JAKMIP2: variants seen among roughly 807,000 people sequenced by gnomAD.
The protein encoded by JAKMIP2 is janus kinase and microtubule-interacting protein 2.
A neutral mutation model predicts 115.0 loss-of-function variants in JAKMIP2; 25 were observed. That is an observed-to-expected ratio of 0.22 (90% CI 0.16 to 0.30). The LOEUF is 0.30. Ranked by LOEUF, JAKMIP2 falls within the 10% of genes least tolerant of loss-of-function variation. JAKMIP2 has a pLI of 1.00. For missense variants in JAKMIP2, 642 were observed against 957.6 expected (o/e 0.67, Z 4.35); for synonymous variants, 334 against 343.6 (o/e 0.97, Z 0.31).
At chr5:147,708,511 C>T (rs1240314732) in intron 1 of JAKMIP2, among the ~76,000 whole-genome samples, 1 of 152,182 alleles carries the variant, frequency 6.6e-6, no homozygotes, top group African/African-American at 2.4e-5. Flanking sequence ...ATTACCAACA[C>T]TTACATGTTA....
At chr5:147,771,616 C>A (rs11746607) in intron 1 of JAKMIP2, among the ~76,000 whole-genome samples, 19,100 of 151,918 alleles carry the variant, frequency 0.13, 1,705 homozygotes, top group East Asian at 0.4. Flanking sequence ...TGATTCAAAG[C>A]ATTCTCATCA....
intron 1 of JAKMIP2, among the ~76,000 whole-genome samples, chr5:147,719,722 T>C (rs1007636675): frequency 6.6e-6 from 1 of 150,950 alleles, no homozygotes; most frequent in African/African-American, 2.4e-5. Flanking sequence ...TCCATCCTTT[T>C]ATTTTGAGCC....
At chr5:147,634,428 C>T (rs1426767729) in intron 12 of JAKMIP2, among the ~76,000 whole-genome samples, 2 of 152,010 alleles carry the variant, frequency 1.3e-5, no homozygotes, top group African/African-American at 4.8e-5. Flanking sequence ...TAAATGTAGT[C>T]GAGTTTTCTA....
chr5:147,627,016 C>A (rs923536186), intron 16 of JAKMIP2, among the ~76,000 whole-genome samples: 6 of 152,124 alleles, frequency 3.9e-5, no homozygotes, highest in African/African-American at 1.2e-4. Context: ...CACACCTTTG[C>A]TCCTTCAGTT....
At chr5:147,657,323 A>G (rs1401849113) in intron 3 of JAKMIP2, among the ~76,000 whole-genome samples, 3 of 152,172 alleles carry the variant, frequency 2.0e-5, no homozygotes, top group African/African-American at 7.2e-5. Context: ...AATGTTGACT[A>G]TTGGCCCCTA....
chr5:147,671,717 G>A lies in JAKMIP2; in HGVS notation c.90C>T (p.Leu30=), dbSNP rs371764748. 143 of 1,576,466 alleles carry A rather than the reference G, an allele frequency of 9.1e-5. No individual in the cohort carries two copies. Among genetic ancestry groups the A allele is most frequent in the Non-Finnish European group, 1.2e-4 (137 of 1,160,110 alleles). The part of the protein sequence containing the change: ...QAANEDLRTK[L]TDIQIELHQE... ...GATGCAGCTCTATCTGAATGTCTGT[G>A]AGCTTGGTCCTGAGGTCTTCATTGG... Residue 30 remains leucine, a synonymous_variant, in exon 2 of 22, where the codon CTC becomes CTT. Transcript: ENST00000616793.
chr5:147,586,975 A>T lies in JAKMIP2; in HGVS notation c.*4732T>A, dbSNP rs1353996033. On this transcript the variant is annotated 3_prime_UTR_variant, in exon 22 of 22. Transcript: ENST00000616793. Reference sequence around the variant, plus strand: ...AAGGATTGTGAATCTGCCCTGCCCCATTCTGAAATGGAATAATAGAATTTG... The same window carrying T: ...AAGGATTGTGAATCTGCCCTGCCCCTTTCTGAAATGGAATAATAGAATTTG... The T allele has an allele frequency of 3.3e-5, 5 of 152,130 alleles. No homozygotes were observed. 9.4% of individuals were successfully genotyped at this position (152,130 alleles called of 1,614,324 possible).
At chr5:147,734,284 G>C (rs533174607) in intron 1 of JAKMIP2, among the ~76,000 whole-genome samples, 1 of 151,864 alleles carries the variant, frequency 6.6e-6, no homozygotes, top group South Asian at 2.1e-4. Flanking sequence ...TGGAGAAATA[G>C]GATGTGGCAA....
intron 2 of JAKMIP2, among the ~76,000 whole-genome samples, chr5:147,670,719 C>T (rs1479008503): frequency 1.3e-5 from 2 of 152,136 alleles, no homozygotes; most frequent in Non-Finnish European, 2.9e-5. Flanking sequence ...ACATAATATA[C>T]TTATCTAATT....
At chr5:147,731,970 AT>A (rs2126971143) in intron 1 of JAKMIP2, among the ~76,000 whole-genome samples, 1 of 152,352 alleles carries the variant, frequency 6.6e-6, no homozygotes, top group South Asian at 2.1e-4. Context: ...ACCACTCAGC[AT>A]TTCAATTAGA....
Position 147,668,890 on chromosome 5 carries a change from A to G in JAKMIP2, c.129+2788T>C, listed in dbSNP as rs557070147. 8.5e-5 allele frequency among the ~76,000 whole-genome samples: 13 copies of G among 152,316 alleles called. No individual in the cohort carries two copies. The South Asian group carries it at 2.3e-3, about 27-fold the overall frequency. ...TATCAGCCCATGACAGATAGTAAACATTCAATAAGTTGTAGCTATTTATAT... is the reference window on the plus strand; with the variant it reads ...TATCAGCCCATGACAGATAGTAAACGTTCAATAAGTTGTAGCTATTTATAT... On this transcript the variant is annotated intron_variant, in intron 2 of 21. Transcript: ENST00000616793.
chr5:147,613,724 C>T (rs1204100708), intron 19 of JAKMIP2, among the ~76,000 whole-genome samples: 1 of 152,046 alleles, frequency 6.6e-6, no homozygotes, highest in Non-Finnish European at 1.5e-5. Flanking sequence ...GCCACCCCTC[C>T]CCCTAAAAAA....
chr5:147,672,277 A>C (rs1460887771), intron 1 of JAKMIP2, among the ~76,000 whole-genome samples: 1 of 152,206 alleles, frequency 6.6e-6, no homozygotes, highest in Non-Finnish European at 1.5e-5. Flanking sequence ...CTGATACTCC[A>C]AACATAAGGA....
At chr5:147,724,518 C>G (rs992936114) in intron 1 of JAKMIP2, among the ~76,000 whole-genome samples, 2 of 152,132 alleles carry the variant, frequency 1.3e-5, no homozygotes, top group African/African-American at 2.4e-5. Context: ...GGTATTGTCC[C>G]TAAAATCCTC....
At chr5:147,667,917 A>G (rs1759384892) in intron 2 of JAKMIP2, among the ~76,000 whole-genome samples, 1 of 152,182 alleles carries the variant, frequency 6.6e-6, no homozygotes, top group Admixed American at 6.5e-5. Flanking sequence ...GACAGTGAGC[A>G]TTACCTTGAT....
At chr5:147,607,487 T>C (rs544704891) in intron 20 of JAKMIP2, among the ~76,000 whole-genome samples, 1 of 152,196 alleles carries the variant, frequency 6.6e-6, no homozygotes, top group Non-Finnish European at 1.5e-5. Flanking sequence ...TATTGATTTA[T>C]GTATGTTGAA....
rs71001456 is a variant in JAKMIP2, at chr5:147,764,947, G to GGA, written c.-149+17507_-149+17508dup. ...GAGAGAGAGAGAGAGAGAGAGAGAG[G>GGA]GAGAGAGAGAGAGAGAGAGGGGGAG... On this transcript the variant is annotated intron_variant, in intron 1 of 21. Coordinates refer to ENST00000616793, the MANE Select transcript of JAKMIP2 (RefSeq NM_001270941.2). 2.2e-4 allele frequency among the ~76,000 whole-genome samples: 8 copies of GGA among 36,594 alleles called. 2 individuals carry two copies. Among genetic ancestry groups the GGA allele is most frequent in the Non-Finnish European group, 3.3e-4 (7 of 21,484 alleles). The allele number at this position is 36,594 out of a possible 152,430, so 24.0% of individuals were successfully genotyped here.
chr5:147,705,212 G>A (rs1161821357), intron 1 of JAKMIP2, among the ~76,000 whole-genome samples: 2 of 152,150 alleles, frequency 1.3e-5, no homozygotes, highest in Non-Finnish European at 2.9e-5. Context: ...TTCTAACAAA[G>A]TCACTTGTCT....
At chr5:147,642,411 T>C (rs1382053863) in intron 7 of JAKMIP2, among the ~76,000 whole-genome samples, 1 of 152,192 alleles carries the variant, frequency 6.6e-6, no homozygotes. Context: ...ATTTGGGGTT[T>C]ATTCACTAAG....
Sources: allele counts gnomAD v4.1 joint callset (sites outside exome capture counted in the v4.1 genomes callset), GRCh38; gene constraint gnomAD v4.1.1; transcripts MANE v1.5; gene names NCBI Gene and HGNC (gene_info 2026-07-23, HGNC 2026-07-21).